Variants in GULP1 observed in about 807,000 individuals in gnomAD.
GULP1 encodes the protein GULP PTB domain containing engulfment adaptor 1, also known as PTB domain-containing engulfment adapter protein 1.
GULP1 carries 19 observed loss-of-function variants against 40.9 expected under a neutral mutation model. That is an observed-to-expected ratio of 0.46 (90% CI 0.32 to 0.68). The LOEUF (loss-of-function observed/expected upper bound fraction) is 0.68. Ranked by LOEUF, GULP1 falls within the 30% of genes least tolerant of loss-of-function variation. The pLI is 0.03. For synonymous variants in GULP1, 119 were observed against 117.6 expected (o/e 1.01, Z -0.08); for missense variants, 312 against 362.2 (o/e 0.86, Z 1.12).
intron 1 of GULP1, among the ~76,000 whole-genome samples, chr2:188,340,416 G>C (rs760666040): frequency 6.6e-6 from 1 of 152,158 alleles, no homozygotes; most frequent in South Asian, 2.1e-4. Flanking sequence ...TACCCCTCGC[G>C]GGAGGGGGAG....
chr2:188,419,835 C>T lies in GULP1; in HGVS notation c.-45+35946C>T, dbSNP rs549717695. On this transcript the variant is annotated intron_variant, in intron 2 of 11. Transcript: ENST00000409830. ...TTTTAGGAGTTTAACAATTTTGAGTCGTATGTTTAAGTCCTTAATCTATTT... is the reference window on the plus strand; with the variant it reads ...TTTTAGGAGTTTAACAATTTTGAGTTGTATGTTTAAGTCCTTAATCTATTT... 2.6e-4 allele frequency among the ~76,000 whole-genome samples: 39 copies of T among 152,144 alleles called. 1 individual carries two copies. The South Asian group carries it at 3.3e-3, about 13-fold the overall frequency.
At chr2:188,339,924 G>A (rs1240216897) in intron 1 of GULP1, among the ~76,000 whole-genome samples, 1 of 152,192 alleles carries the variant, frequency 6.6e-6, no homozygotes, top group Non-Finnish European at 1.5e-5. Context: ...GAATGCTCTA[G>A]TGTTCCAATG....
chr2:188,536,171 C>A (rs1478061593), intron 6 of GULP1, among the ~76,000 whole-genome samples: 1 of 152,160 alleles, frequency 6.6e-6, no homozygotes, highest in East Asian at 1.9e-4. Context: ...TTGATAGTTT[C>A]TTTTGCTGTG....
intron 2 of GULP1, among the ~76,000 whole-genome samples, chr2:188,459,592 T>G (rs567566438): frequency 6.6e-6 from 1 of 152,118 alleles, no homozygotes; most frequent in Non-Finnish European, 1.5e-5. Context: ...GTGAGTAGTT[T>G]GCAAATTTTT....
intron 1 of GULP1, chr2:188,297,473 G>A (rs1392841423): frequency 2.1e-6 from 1 of 475,998 alleles, no homozygotes; most frequent in Non-Finnish European, 4.4e-6. Flanking sequence ...AGGTGTTACA[G>A]TTGATCCATT....
intron 7 of GULP1, among the ~76,000 whole-genome samples, chr2:188,544,176 T>G (rs1691286281): frequency 6.6e-6 from 1 of 152,098 alleles, no homozygotes; most frequent in African/African-American, 2.4e-5. Context: ...TTTCCAGTAT[T>G]TCATAAAATG....
chr2:188,399,171 G>GATAT (rs1219432546), intron 2 of GULP1, among the ~76,000 whole-genome samples: 1 of 152,154 alleles, frequency 6.6e-6, no homozygotes, highest in Non-Finnish European at 1.5e-5. Flanking sequence ...TTGCTGAAAG[G>GATAT]ATATAACTTA....
chr2:188,520,862 G>A (rs1260474581), intron 4 of GULP1, among the ~76,000 whole-genome samples: 1 of 151,940 alleles, frequency 6.6e-6, no homozygotes, highest in Non-Finnish European at 1.5e-5. Context: ...AACGCTCTAG[G>A]TAATTTTCAT....
At chr2:188,513,831 A>G (rs867819740) in intron 4 of GULP1, among the ~76,000 whole-genome samples, 2 of 151,966 alleles carry the variant, frequency 1.3e-5, no homozygotes, top group South Asian at 2.1e-4. Flanking sequence ...CTTGAATAAC[A>G]CTCTTTGATT....
At chr2:188,367,859 T>C (rs574969848) in intron 1 of GULP1, among the ~76,000 whole-genome samples, 2 of 152,264 alleles carry the variant, frequency 1.3e-5, no homozygotes, top group South Asian at 4.2e-4. Context: ...ATCTCTTGCC[T>C]GAAGTGTTTT....
intron 2 of GULP1, among the ~76,000 whole-genome samples, chr2:188,389,273 G>T (rs1281681971): frequency 2.6e-5 from 4 of 152,054 alleles, no homozygotes; most frequent in Admixed American, 2.6e-4. Context: ...AAATTTCATT[G>T]CAATTCCTTA....
intron 1 of GULP1, among the ~76,000 whole-genome samples, chr2:188,361,001 A>C (rs552598892): frequency 6.6e-6 from 1 of 152,208 alleles, no homozygotes; most frequent in African/African-American, 2.4e-5. Context: ...TTCCCCAATA[A>C]ATTAGCAATT....
Position 188,483,389 on chromosome 2 carries a change from C to T in GULP1, c.29-42C>T, listed in dbSNP as rs778183430. 6 of 984,730 alleles carry T rather than the reference C, an allele frequency of 6.1e-6. No individual in the cohort carries two copies. The East Asian group carries it at 7.4e-5, about 12-fold the overall frequency. 61.0% of individuals were successfully genotyped at this position (984,730 alleles called of 1,614,324 possible). A position where few individuals can be genotyped will look rare whatever the true frequency, so the allele number is the denominator to read the frequency against. ...AAATGGTAATGCGTGAATATGACAC[C>T]ATGGAAACCTAAAATTTAACTCTGT... On this transcript the variant is annotated intron_variant, in intron 3 of 11. Transcript: ENST00000409830.
chr2:188,340,523 G>A (rs1272674563), intron 1 of GULP1, among the ~76,000 whole-genome samples: 1 of 152,158 alleles, frequency 6.6e-6, no homozygotes, highest in African/African-American at 2.4e-5. Context: ...CTGTTGGGGA[G>A]TACTCATGAC....
intron 2 of GULP1, among the ~76,000 whole-genome samples, chr2:188,423,150 A>G (rs2152777752): frequency 6.6e-6 from 1 of 152,142 alleles, no homozygotes; most frequent in Admixed American, 6.5e-5. Context: ...CTTTGGAGAA[A>G]CTCTATGTTA....
chr2:188,343,461 T>C (rs1383358121), intron 1 of GULP1, among the ~76,000 whole-genome samples: 10 of 152,286 alleles, frequency 6.6e-5, no homozygotes, highest in African/African-American at 2.4e-4. Context: ...AGAGTAGACG[T>C]CCTCTTATCT....
chr2:188,512,061 G>T (rs535875526), intron 4 of GULP1, among the ~76,000 whole-genome samples: 2 of 152,154 alleles, frequency 1.3e-5, no homozygotes, highest in East Asian at 3.9e-4. Context: ...TTGGCAATGG[G>T]ACCATAGGAA....
intron 9 of GULP1, among the ~76,000 whole-genome samples, chr2:188,579,688 A>G (rs1209714505): frequency 6.6e-6 from 1 of 152,174 alleles, no homozygotes; most frequent in Non-Finnish European, 1.5e-5. Flanking sequence ...CTGATTTACC[A>G]TTCTGAAATT....
chr2:188,452,460 T>C (rs1485381139), intron 2 of GULP1, among the ~76,000 whole-genome samples: 5 of 152,236 alleles, frequency 3.3e-5, no homozygotes, highest in Non-Finnish European at 7.3e-5. Context: ...ACTGTGTTTT[T>C]CCCCACATAT....
Sources: allele counts gnomAD v4.1 joint callset (sites outside exome capture counted in the v4.1 genomes callset), GRCh38; gene constraint gnomAD v4.1.1; transcripts MANE v1.5; gene names NCBI Gene and HGNC (gene_info 2026-07-23, HGNC 2026-07-21).